PDE1A: variants seen among roughly 807,000 people sequenced by gnomAD.
PDE1A encodes the protein dual specificity calcium/calmodulin-dependent 3',5'-cyclic nucleotide phosphodiesterase 1A.
A neutral mutation model predicts 61.7 loss-of-function variants in PDE1A; 35 were observed. The observed-to-expected ratio is 0.57, with a 90% confidence interval of 0.43 to 0.75. The LOEUF is 0.75. Among genes scored for constraint, PDE1A ranks in the 30% least tolerant of loss-of-function variants. The probability of loss-of-function intolerance (pLI) is 0.00; values close to 1 mark genes in which losing one functional copy is unlikely to be tolerated. For synonymous variants in PDE1A, 232 were observed against 213.2 expected (o/e 1.09, Z -0.77); for missense variants, 597 against 630.6 (o/e 0.95, Z 0.57).
At chr2:182,385,867 CTCTCCG>C (rs1192316908) in intron 1 of PDE1A, among the ~76,000 whole-genome samples, 2 of 146,698 alleles carry the variant, frequency 1.4e-5, no homozygotes, top group Non-Finnish European at 3.0e-5. Flanking sequence ...CTCCCTCTCC[CTCTCCG>C]TCTCCCTCTC....
chr2:182,433,338 T>C (rs1273719289), intron 2 of PDE1A, among the ~76,000 whole-genome samples: 1 of 152,126 alleles, frequency 6.6e-6, no homozygotes, highest in Non-Finnish European at 1.5e-5. Flanking sequence ...GAAGTCAAAA[T>C]ACTTTGACCA....
At chr2:182,418,927 C>A (rs1027011230) in intron 1 of PDE1A, among the ~76,000 whole-genome samples, 3 of 152,068 alleles carry the variant, frequency 2.0e-5, no homozygotes, top group Admixed American at 6.5e-5. Flanking sequence ...TTCAGCTGAC[C>A]CACGGGCGCA....
chr2:182,511,133 T>C (rs1689756289), intron 2 of PDE1A, among the ~76,000 whole-genome samples: 1 of 152,088 alleles, frequency 6.6e-6, no homozygotes, highest in South Asian at 2.1e-4. Flanking sequence ...TACGTGATGA[T>C]ATTATTTCCA....
chr2:182,299,491 C>A (rs1481857723), intron 1 of PDE1A, among the ~76,000 whole-genome samples: 2 of 147,114 alleles, frequency 1.4e-5, no homozygotes, highest in African/African-American at 2.5e-5. Flanking sequence ...AGAGATTAGT[C>A]CCACCACCAA....
At chr2:182,419,288 A>T (rs1038887922) in intron 1 of PDE1A, among the ~76,000 whole-genome samples, 2 of 151,906 alleles carry the variant, frequency 1.3e-5, no homozygotes, top group South Asian at 2.1e-4. Context: ...AGTTATCAGT[A>T]CAGTTATGCT....
At chr2:182,568,814 T>C in the PDE1A span, among the ~76,000 whole-genome samples, 3 of 152,116 alleles carry the variant, frequency 2.0e-5, no homozygotes, top group Admixed American at 1.3e-4. Flanking sequence ...AGAAACTTTT[T>C]CTTGAAAAAT....
chr2:182,600,347 T>C, the PDE1A span, among the ~76,000 whole-genome samples: 2 of 152,200 alleles, frequency 1.3e-5, no homozygotes, highest in African/African-American at 4.8e-5. Flanking sequence ...TGTAAGTTGT[T>C]TAGAAATCCC....
intron 2 of PDE1A, among the ~76,000 whole-genome samples, chr2:182,463,170 C>T (rs1212197223): frequency 6.6e-6 from 1 of 151,786 alleles, no homozygotes; most frequent in Non-Finnish European, 1.5e-5. Context: ...ACCCAGGAGG[C>T]GGAGGTTGCA....
chr2:182,378,234 C>A (rs890934494), intron 1 of PDE1A, among the ~76,000 whole-genome samples: 1 of 152,150 alleles, frequency 6.6e-6, no homozygotes, highest in Non-Finnish European at 1.5e-5. Flanking sequence ...AAGCCCAACA[C>A]AAAAGTTTGC....
At chr2:182,458,164 T>C (rs1381766963) in intron 2 of PDE1A, among the ~76,000 whole-genome samples, 2 of 152,018 alleles carry the variant, frequency 1.3e-5, no homozygotes, top group East Asian at 1.9e-4. Context: ...GTAATAACCA[T>C]GGTACAATGG....
At chr2:182,180,113 A>G (rs1684627051) in intron 13 of PDE1A, among the ~76,000 whole-genome samples, 2 of 152,198 alleles carry the variant, frequency 1.3e-5, no homozygotes, top group African/African-American at 4.8e-5. Flanking sequence ...GTACTGGAAA[A>G]TTAAAATGGC....
At chr2:182,527,328 A>ATATG (rs1690791635), upstream of PDE1A, among the ~76,000 whole-genome samples, 1 of 9,202 alleles carries the variant, frequency 1.1e-4, no homozygotes, top group African/African-American at 3.6e-4. Flanking sequence ...AAAAAAAAAA[A>ATATG]TATATATATA....
At chr2:182,625,754 C>G in the PDE1A span, among the ~76,000 whole-genome samples, 2 of 152,160 alleles carry the variant, frequency 1.3e-5, no homozygotes, top group Non-Finnish European at 2.9e-5. Flanking sequence ...CCAATATGTA[C>G]TTTTGAGGGG....
chr2:182,382,714 A>C (rs1489276812), intron 1 of PDE1A, among the ~76,000 whole-genome samples: 1 of 152,018 alleles, frequency 6.6e-6, no homozygotes, highest in Non-Finnish European at 1.5e-5. Flanking sequence ...GAAAAAAAAA[A>C]ACTAAATTTT....
intron 2 of PDE1A, among the ~76,000 whole-genome samples, chr2:182,243,486 AGG>A (rs1690715986): frequency 6.6e-6 from 1 of 152,198 alleles, no homozygotes; most frequent in Admixed American, 6.5e-5. Context: ...AACAGGAAGG[AGG>A]CCAAATGTGG....
intron 2 of PDE1A, among the ~76,000 whole-genome samples, chr2:182,499,173 G>GTTTTTTTTT (rs545033513): frequency 9.1e-5 from 7 of 77,306 alleles, no homozygotes; most frequent in Admixed American, 3.4e-4. Context: ...TCTTTTTCTT[G>GTTTTTTTTT]TTTTTTTTTT....
At chr2:182,597,079 G>C in the PDE1A span, among the ~76,000 whole-genome samples, 2 of 152,054 alleles carry the variant, frequency 1.3e-5, no homozygotes, top group South Asian at 2.1e-4. Context: ...CCTGAGCCTG[G>C]AGGTTGAGGC....
downstream of PDE1A, among the ~76,000 whole-genome samples, chr2:182,166,389 T>C (rs1691654822): frequency 1.3e-5 from 2 of 152,106 alleles, no homozygotes; most frequent in South Asian, 2.1e-4. Context: ...CCTTTCTGAG[T>C]AGGAAACTTC....
the PDE1A span, among the ~76,000 whole-genome samples, chr2:182,544,228 C>G: frequency 3.9e-5 from 6 of 152,270 alleles, no homozygotes; most frequent in South Asian, 1.2e-3. Flanking sequence ...GGGTGATAAA[C>G]AGATACTACT....
Sources: allele counts gnomAD v4.1 joint callset (sites outside exome capture counted in the v4.1 genomes callset), GRCh38; gene constraint gnomAD v4.1.1; transcripts MANE v1.5; gene names NCBI Gene and HGNC (gene_info 2026-07-23, HGNC 2026-07-21).